Variants in ATP6V1G1 observed in about 807,000 individuals in gnomAD.
ATP6V1G1 encodes ATPase H+ transporting V1 subunit G1, also known as V-type proton ATPase subunit G 1.
A neutral mutation model predicts 14.2 loss-of-function variants in ATP6V1G1; 14 were observed. That is an observed-to-expected ratio of 0.99 (90% CI 0.65 to 1.55). The LOEUF (loss-of-function observed/expected upper bound fraction) is 1.55, where lower values mean the gene tolerates loss of function less well. Ranked by LOEUF, ATP6V1G1 falls within the 40% of genes most tolerant of loss-of-function variation. The pLI, the probability that ATP6V1G1 is intolerant of heterozygous loss-of-function variation, is 0.00. For missense variants in ATP6V1G1, 137 were observed against 146.4 expected (o/e 0.94, Z 0.33); for synonymous variants, 65 against 53.3 (o/e 1.22, Z -0.96).
chr9:114,595,546 T>C (rs545486787), intron 2 of ATP6V1G1, among the ~76,000 whole-genome samples: 1 of 152,124 alleles, frequency 6.6e-6, no homozygotes, highest in Non-Finnish European at 1.5e-5. Flanking sequence ...TCCAGCTACT[T>C]GGGAGGCTCA....
chr9:114,595,783 GA>G (rs528902008), intron 2 of ATP6V1G1, among the ~76,000 whole-genome samples: 135 of 150,526 alleles, frequency 9.0e-4, no homozygotes, highest in Middle Eastern at 6.8e-3. Flanking sequence ...ATCTCTTCGG[GA>G]AAAAAAAATG....
intron 1 of ATP6V1G1, among the ~76,000 whole-genome samples, chr9:114,591,280 AGTAAAT>A (rs1221347330): frequency 6.6e-6 from 1 of 152,254 alleles, no homozygotes; most frequent in African/African-American, 2.4e-5. Flanking sequence ...TGCCAAAGGC[AGTAAAT>A]GGTATTATCC....
At chr9:114,595,726 C>CT (rs1845230969) in intron 2 of ATP6V1G1, among the ~76,000 whole-genome samples, 2 of 151,956 alleles carry the variant, frequency 1.3e-5, no homozygotes, top group African/African-American at 2.4e-5. Context: ...AGGAGGATCT[C>CT]TTGAGCTTGG....
intron 2 of ATP6V1G1, among the ~76,000 whole-genome samples, chr9:114,596,066 T>C (rs574653905): frequency 6.6e-6 from 1 of 152,172 alleles, no homozygotes; most frequent in African/African-American, 2.4e-5. Context: ...AGAAAATTCA[T>C]GTCAGTGTGT....
chr9:114,594,308 A>G (rs190106914), intron 2 of ATP6V1G1, among the ~76,000 whole-genome samples: 12 of 151,344 alleles, frequency 7.9e-5, no homozygotes, highest in African/African-American at 2.7e-4. Flanking sequence ...ACCGCAGGTG[A>G]TCTGCCTGCC....
Position 114,588,290 on chromosome 9 carries a change from C to T in ATP6V1G1, c.82+370C>T, listed in dbSNP as rs1845147602. Among the ~76,000 whole-genome samples the T allele has an allele frequency of 2.0e-5, 3 of 151,994 alleles. No individual in the cohort carries two copies. The South Asian group carries it at 6.2e-4, about 32-fold the overall frequency. ...CCACACAGTTGCTTGGTCTAGAAAC[C>T]TGGAGTCCTGCTTGCCTCTTCTCCC... On this transcript the variant is annotated intron_variant, in intron 1 of 2. Coordinates refer to ENST00000374050, the MANE Select transcript of ATP6V1G1 (RefSeq NM_004888.4).
chr9:114,592,482 T>C (rs1845192346), intron 1 of ATP6V1G1, 70 bp from the exon 2 acceptor site: 5 of 1,389,404 alleles, frequency 3.6e-6, no homozygotes, highest in Non-Finnish European at 4.9e-6. Context: ...TGTTATAATA[T>C]ACCATCTTGT....
At chr9:114,589,470 T>C (rs969950173) in intron 1 of ATP6V1G1, among the ~76,000 whole-genome samples, 3 of 152,100 alleles carry the variant, frequency 2.0e-5, no homozygotes, top group African/African-American at 7.3e-5. Flanking sequence ...TTGGTGTTTC[T>C]CCTAGTATAG....
chr9:114,597,952 A>C lies in ATP6V1G1; in HGVS notation c.*209A>C. ...TAAAGATTTCATCTTTTTACCTCATATTTCTTAGGAATTTAATGGTTATAT... is the reference window on the plus strand; with the variant it reads ...TAAAGATTTCATCTTTTTACCTCATCTTTCTTAGGAATTTAATGGTTATAT... On this transcript the variant is annotated 3_prime_UTR_variant, in exon 3 of 3. Coordinates refer to ENST00000374050, the MANE Select transcript of ATP6V1G1 (RefSeq NM_004888.4). The C allele has an allele frequency of 5.3e-6, 2 of 377,418 alleles. No individual in the cohort carries two copies. Among genetic ancestry groups the C allele is most frequent in the Non-Finnish European group, 8.8e-6 (2 of 226,268 alleles). 23.4% of individuals were successfully genotyped at this position (377,418 alleles called of 1,614,324 possible).
At chr9:114,596,912 A>G (rs1474813340) in intron 2 of ATP6V1G1, among the ~76,000 whole-genome samples, 5 of 151,664 alleles carry the variant, frequency 3.3e-5, no homozygotes, top group Non-Finnish European at 5.9e-5. Context: ...CAATTCCTGA[A>G]TAGTTCTCTT....
intron 1 of ATP6V1G1, 60 bp downstream of exon 1, chr9:114,587,980 C>T (rs1845141023): frequency 2.0e-6 from 3 of 1,535,480 alleles, no homozygotes; most frequent in Admixed American, 2.0e-5. Context: ...CGCTGGGCCT[C>T]AGGTGGTGGG....
chr9:114,594,861 CTTTTTTTT>C (rs71997716), intron 2 of ATP6V1G1, among the ~76,000 whole-genome samples: 13 of 110,580 alleles, frequency 1.2e-4, no homozygotes, highest in African/African-American at 3.7e-4. Context: ...TTCTTTTTTT[CTTTTTTTT>C]TTTTTTTTTG....
rs910030946 is a variant in ATP6V1G1, at chr9:114,597,260, G to A, written c.184-310G>A. Among the ~76,000 whole-genome samples, 7 of 152,148 alleles carry A rather than the reference G, an allele frequency of 4.6e-5. No homozygotes were observed. The East Asian group carries it at 1.3e-3, about 29-fold the overall frequency. Reference sequence around the variant, plus strand: ...CCGCCTCGGCCTCCCAAAGTGCTGGGATTACAGGCGTGAGCCACCGCGCCC... The same window carrying A: ...CCGCCTCGGCCTCCCAAAGTGCTGGAATTACAGGCGTGAGCCACCGCGCCC... On this transcript the variant is annotated intron_variant, in intron 2 of 2. Transcript: ENST00000374050.
chr9:114,594,526 G>T (rs1044905796), intron 2 of ATP6V1G1, among the ~76,000 whole-genome samples: 1 of 151,980 alleles, frequency 6.6e-6, no homozygotes, highest in African/African-American at 2.4e-5. Flanking sequence ...TGAGACTGCA[G>T]GTGTGCGCCA....
chr9:114,587,888 G>C lies in ATP6V1G1; in HGVS notation c.50G>C (p.Arg17Pro). Residue 17 changes from arginine (R) to proline (P), a missense_variant, in exon 1 of 3, where the codon CGG becomes CCG. Arg to Pro is a moderately radical substitution (Grantham distance 103). Coordinates refer to ENST00000374050, the MANE Select transcript of ATP6V1G1 (RefSeq NM_004888.4). ...GIQQLLQAEK[R>P]AAEKVSEARK... ...CAGCAGCTGCTGCAGGCCGAGAAGCGGGCAGCCGAGAAGGTGTCCGAGGCC... is the reference window on the plus strand; with the variant it reads ...CAGCAGCTGCTGCAGGCCGAGAAGCCGGCAGCCGAGAAGGTGTCCGAGGCC... The C allele has an allele frequency of 6.3e-7, 1 of 1,590,432 alleles. No homozygotes were observed. The highest frequency in any genetic ancestry group is 8.6e-7 in the Non-Finnish European group (1 of 1,169,142).
chr9:114,591,462 A>G (rs1845181460), intron 1 of ATP6V1G1, among the ~76,000 whole-genome samples: 1 of 152,190 alleles, frequency 6.6e-6, no homozygotes, highest in Non-Finnish European at 1.5e-5. Flanking sequence ...GGAAGATAGC[A>G]TGTGAAGGAT....
At chr9:114,592,306 A>G (rs1845190635) in intron 1 of ATP6V1G1, among the ~76,000 whole-genome samples, 3 of 152,130 alleles carry the variant, frequency 2.0e-5, no homozygotes, top group Non-Finnish European at 4.4e-5. Context: ...ATTTTTTTCC[A>G]TCTTTTTAAT....
At chr9:114,591,755 T>A (rs1845183999) in intron 1 of ATP6V1G1, among the ~76,000 whole-genome samples, 1 of 152,186 alleles carries the variant, frequency 6.6e-6, no homozygotes, top group South Asian at 2.1e-4. Context: ...TAATTTTAGA[T>A]GCAGGATGTC....
chr9:114,597,608 G>GA lies in ATP6V1G1; in HGVS notation c.224dup (p.Glu76GlyfsTer19), dbSNP rs1226822446. The GA allele has an allele frequency of 1.1e-5, 17 of 1,558,160 alleles. No homozygotes were observed. Among genetic ancestry groups the GA allele is most frequent in the Non-Finnish European group, 1.4e-5 (16 of 1,154,042 alleles). ...GTGGCAGTTGCAGCACTGAAGTGGAGAAGGAGACCCAGGAGAAGATGACCA... is the reference window on the plus strand; with the variant it reads ...GTGGCAGTTGCAGCACTGAAGTGGAGAAAGGAGACCCAGGAGAAGATGACCA... On this transcript the variant is annotated frameshift_variant, in exon 3 of 3. Transcript: ENST00000374050. LOFTEE classifies it high-confidence loss of function.
Sources: allele counts gnomAD v4.1 joint callset (sites outside exome capture counted in the v4.1 genomes callset), GRCh38; gene constraint gnomAD v4.1.1; transcripts MANE v1.5; gene names NCBI Gene and HGNC (gene_info 2026-07-23, HGNC 2026-07-21).